The following MED1 variants were observed in gnomAD, a reference collection of about 807,000 sequenced individuals.
MED1 encodes mediator of RNA polymerase II transcription subunit 1.
Under a neutral mutation model 121.3 loss-of-function variants are expected in MED1, and 17 were observed. That is an observed-to-expected ratio of 0.14 (90% CI 0.10 to 0.21). The LOEUF is 0.21. Ranked by LOEUF, MED1 falls within the 10% of genes least tolerant of loss-of-function variation. The pLI is 1.00. For synonymous variants in MED1, 661 were observed against 694.4 expected (o/e 0.95, Z 0.76); for missense variants, 1,558 against 1,919.4 (o/e 0.81, Z 3.52).
chr17:39,450,960 A>G, intron 1 of MED1, 78 bp downstream of exon 1: 1 of 1,349,494 alleles, frequency 7.4e-7, no homozygotes, highest in Non-Finnish European at 1.0e-6. Context: ...CCCCCATGGG[A>G]CATCTGCAAG....
chr17:39,420,261 G>A (rs1319043431), intron 13 of MED1, among the ~76,000 whole-genome samples: 4 of 146,636 alleles, frequency 2.7e-5, no homozygotes, highest in Non-Finnish European at 1.5e-5. Context: ...GTGCAGTGGT[G>A]CGATCTCGGC....
chr17:39,416,199 T>C (rs1451555169), intron 14 of MED1, among the ~76,000 whole-genome samples: 12 of 152,142 alleles, frequency 7.9e-5, no homozygotes, highest in Admixed American at 7.9e-4. Flanking sequence ...GACTTTCAAT[T>C]TTCCAAGATG....
chr17:39,407,308 G>GGGTCTGGAT lies in MED1; in HGVS notation c.*158_*166dup, dbSNP rs2048311300. 5.5e-6 allele frequency: 7 copies of GGGTCTGGAT among 1,273,908 alleles called. No homozygotes were observed. Among genetic ancestry groups the GGGTCTGGAT allele is most frequent in the Non-Finnish European group, 6.9e-6 (7 of 1,012,810 alleles). 78.9% of individuals were successfully genotyped at this position (1,273,908 alleles called of 1,614,324 possible). A position where few individuals can be genotyped will look rare whatever the true frequency, so the allele number is the denominator to read the frequency against. On this transcript the variant is annotated 3_prime_UTR_variant, in exon 17 of 17. Transcript: ENST00000300651. ...ATCAAACCCTGTGGTTTCTTTAATA[G>GGGTCTGGAT]GGTCTGGATATGCCTTTCTAATTCA...
Position 39,407,080 on chromosome 17 carries a change from C to T in MED1, c.*395G>A. ...ATTGCTTTTTCATTTTCTGCCCAGC[C>T]CTTCATATACATGCACTAAAATGAG... On this transcript the variant is annotated 3_prime_UTR_variant, in exon 17 of 17. Transcript: ENST00000300651. 1 of 992,448 alleles carries T rather than the reference C, an allele frequency of 1.0e-6. No homozygotes were observed. The highest frequency in any genetic ancestry group is 4.7e-5 in the South Asian group (1 of 21,476). The allele number at this position is 992,448 out of a possible 1,614,324, so 61.5% of individuals were successfully genotyped here. A position where few individuals can be genotyped will look rare whatever the true frequency, so the allele number is the denominator to read the frequency against.
chr17:39,414,866 C>G (rs765029393), intron 16 of MED1, among the ~76,000 whole-genome samples, 160 bp downstream of exon 16: 2 of 151,640 alleles, frequency 1.3e-5, no homozygotes, highest in African/African-American at 4.9e-5. Context: ...GATGGGGGTT[C>G]ACCATGTTAG....
At chr17:39,436,468 G>A (rs9891599) in intron 6 of MED1, among the ~76,000 whole-genome samples, 4 of 150,992 alleles carry the variant, frequency 2.6e-5, no homozygotes, top group Non-Finnish European at 4.4e-5. Flanking sequence ...TGAGAACTTC[G>A]CAATGCTCAA....
chr17:39,440,252 A>T lies in MED1; in HGVS notation c.399+134T>A. The T allele has an allele frequency of 1.2e-6, 1 of 817,124 alleles. No individual in the cohort carries two copies. The highest frequency in any genetic ancestry group is 1.8e-6 in the Non-Finnish European group (1 of 544,318). The allele number at this position is 817,124 out of a possible 1,614,324, so 50.6% of individuals were successfully genotyped here. A position where few individuals can be genotyped will look rare whatever the true frequency, so the allele number is the denominator to read the frequency against. The stretch of plus-strand genomic sequence containing the variant: ...CCCATTCTATAGCTGTTGATTTTGT[A>T]GCCCATCACATCATCTCTACAGTGG... On this transcript the variant is annotated intron_variant, in intron 5 of 16. Transcript: ENST00000300651. This position sits in a 1 kb window ranked among gnomAD's most constrained non-coding sequence, Gnocchi z 4.1.
intron 6 of MED1, among the ~76,000 whole-genome samples, chr17:39,436,626 T>A (rs1424475630): frequency 1.3e-5 from 2 of 152,182 alleles, no homozygotes; most frequent in Non-Finnish European, 2.9e-5. Context: ...CTAGCACTTT[T>A]ACTGTAACAC....
Position 39,405,669 on chromosome 17 carries a change from C to T in MED1, c.*1806G>A, listed in dbSNP as rs965280226. On this transcript the variant is annotated 3_prime_UTR_variant, in exon 17 of 17. Transcript: ENST00000300651. ...GGTTAATTGATAACTTTTCTTGCTC[C>T]ACTTTACAATGTTTTGTTTCCTACA... The T allele has an allele frequency of 6.9e-6, 7 of 1,021,770 alleles. No homozygotes were observed. The African/African-American group carries it at 1.2e-4, about 17-fold the overall frequency. 63.3% of individuals were successfully genotyped at this position (1,021,770 alleles called of 1,614,324 possible).
chr17:39,419,662 C>A, intron 14 of MED1, 55 bp downstream of exon 14: 1 of 1,514,270 alleles, frequency 6.6e-7, no homozygotes, highest in Non-Finnish European at 9.1e-7. Flanking sequence ...ATTAAAGAAC[C>A]ACTGGAGAAG....
chr17:39,426,730 C>G lies in MED1; in HGVS notation c.739+971G>C, dbSNP rs112840084. On this transcript the variant is annotated intron_variant, in intron 10 of 16. Transcript: ENST00000300651. The stretch of plus-strand genomic sequence containing the variant: ...TGTATTTTTAGTAGAGACAGGGTTT[C>G]TCCATGTTGGTCAGGCTGGTCTCGA... Among the ~76,000 whole-genome samples the G allele has an allele frequency of 1.3e-4, 20 of 152,136 alleles. 1 individual carries two copies. Among genetic ancestry groups the G allele is most frequent in the African/African-American group, 4.8e-4 (20 of 41,522 alleles).
rs540929458 is a variant in MED1, at chr17:39,423,887, C to T, written c.852-66G>A. 3.3e-6 allele frequency: 4 copies of T among 1,199,386 alleles called. No homozygotes were observed. In the African/African-American group the frequency reaches 6.4e-5, roughly 19 times the overall value. The allele number at this position is 1,199,386 out of a possible 1,614,324, so 74.3% of individuals were successfully genotyped here. ...ATATAAAAATGAAAAACCCAAACAC[C>T]TTTTTTTTTTTTGAGACAGATTTTC... is the stretch of plus-strand genomic sequence containing the variant. On this transcript the variant is annotated intron_variant, in intron 11 of 16. Coordinates refer to ENST00000300651, the MANE Select transcript of MED1 (RefSeq NM_004774.4).
intron 10 of MED1, among the ~76,000 whole-genome samples, chr17:39,426,359 A>G (rs908286840): frequency 6.6e-6 from 1 of 152,014 alleles, no homozygotes; most frequent in Non-Finnish European, 1.5e-5. Flanking sequence ...AGGCAGGAGA[A>G]TCACTTGAAC....
chr17:39,407,925 G>C lies in MED1; in HGVS notation c.4296C>G (p.Gly1432=). The change falls in exon 17 of 17, where the codon GGC becomes GGG. Residue 1432 remains glycine, a synonymous_variant. Coordinates refer to ENST00000300651, the MANE Select transcript of MED1 (RefSeq NM_004774.4). ...GAGTGGAACCACTGATGAGTGGAGA[G>C]CCATAGTTTTTAGAAGAAGCCATTT... ...RPQMASSKNY[G]SPLISGSTPK... 6.2e-7 allele frequency: 1 copy of C among 1,614,136 alleles called. No homozygotes were observed. Among genetic ancestry groups the C allele is most frequent in the Non-Finnish European group, 8.5e-7 (1 of 1,180,038 alleles).
intron 16 of MED1, among the ~76,000 whole-genome samples, chr17:39,412,710 G>T (rs2048368713): frequency 1.3e-5 from 2 of 151,242 alleles, no homozygotes; most frequent in Admixed American, 6.6e-5. Context: ...GCTAATTTTT[G>T]TATTTTTAGT....
chr17:39,436,136 G>A (rs993261720), intron 6 of MED1, among the ~76,000 whole-genome samples: 1 of 151,934 alleles, frequency 6.6e-6, no homozygotes, highest in Non-Finnish European at 1.5e-5. Context: ...GCCGAGGCGG[G>A]CAGATCACGA....
In MED1 at chr17:39,440,352, C is replaced by T. The variant is rs1412944930; in HGVS notation, c.399+34G>A. The T allele has an allele frequency of 1.3e-6, 2 of 1,532,496 alleles. No homozygotes were observed. Among genetic ancestry groups the T allele is most frequent in the Non-Finnish European group, 1.7e-6 (2 of 1,148,026 alleles). 94.9% of individuals were successfully genotyped at this position (1,532,496 alleles called of 1,614,324 possible). A position where few individuals can be genotyped will look rare whatever the true frequency, so the allele number is the denominator to read the frequency against. ...TAAAATTAATGTCCCTAAGTAAACCCCACAGATTCCAGTGAAATATCAACA... is the reference window on the plus strand; with the variant it reads ...TAAAATTAATGTCCCTAAGTAAACCTCACAGATTCCAGTGAAATATCAACA... On this transcript the variant is annotated intron_variant, in intron 5 of 16. Transcript: ENST00000300651. The surrounding 1 kb of genome is among the most constrained non-coding windows in gnomAD (Gnocchi z 4.1).
At chr17:39,423,592 T>C in intron 12 of MED1, 105 bp downstream of exon 12, 1 of 1,510,388 alleles carries the variant, frequency 6.6e-7, no homozygotes, top group Non-Finnish European at 9.2e-7. Flanking sequence ...TTACCAGTAA[T>C]ACTTCAATGA....
At chr17:39,443,431 C>A in intron 3 of MED1, 119 bp downstream of exon 3, 1 of 709,952 alleles carries the variant, frequency 1.4e-6, no homozygotes, top group Non-Finnish European at 2.4e-6. Context: ...AATGCAAGAG[C>A]AATATCTAAT....
Sources: gnomAD v4.1 joint callset for allele counts (sites outside exome capture counted in the v4.1 genomes callset) on GRCh38, gnomAD v4.1.1 for gene constraint, Gnocchi (gnomAD v3.1) non-coding constraint, MANE v1.5 for transcripts, NCBI Gene and HGNC (gene_info 2026-07-23, HGNC 2026-07-21) for gene names.